Variants in OR1J2 observed in about 807,000 individuals in gnomAD.
OR1J2 encodes olfactory receptor family 1 subfamily J member 2.
For missense variants in OR1J2, 304 were observed against 246.1 expected (o/e 1.24, Z -1.57); for synonymous variants, 142 against 99.7 (o/e 1.42, Z -2.52).
the OR1J2 span, among the ~76,000 whole-genome samples, chr9:122,493,731 G>C: frequency 3.3e-5 from 5 of 152,028 alleles, no homozygotes; most frequent in East Asian, 9.7e-4. Flanking sequence ...CTTTTCTTCT[G>C]CTGGTTGTGG....
upstream of OR1J2, among the ~76,000 whole-genome samples, chr9:122,505,909 CTA>C (rs759643129): frequency 4.7e-4 from 72 of 151,748 alleles, no homozygotes; most frequent in Non-Finnish European, 1.0e-3. Context: ...TCCTTGAAAA[CTA>C]TTTTTATTTG....
At chr9:122,501,505 A>G in the OR1J2 span, among the ~76,000 whole-genome samples, 5 of 152,208 alleles carry the variant, frequency 3.3e-5, no homozygotes, top group Admixed American at 6.5e-5. Context: ...ACCTTCAGCC[A>G]ACAAGCACAT....
At chr9:122,505,805 T>G (rs1410850426), upstream of OR1J2, among the ~76,000 whole-genome samples, 1 of 152,106 alleles carries the variant, frequency 6.6e-6, no homozygotes, top group Non-Finnish European at 1.5e-5. Context: ...GCGTGTCAAC[T>G]TGTTTTTTTT....
chr9:122,541,381 T>G, the OR1J2 span, among the ~76,000 whole-genome samples: 2 of 152,126 alleles, frequency 1.3e-5, no homozygotes, highest in Admixed American at 6.6e-5. Flanking sequence ...GGAAATAAAC[T>G]AAGAAGAAAG....
At chr9:122,449,943 C>T in the OR1J2 span, among the ~76,000 whole-genome samples, 1 of 152,096 alleles carries the variant, frequency 6.6e-6, no homozygotes, top group Admixed American at 6.5e-5. Flanking sequence ...TCCCAGTTTA[C>T]CTCTGACTTT....
chr9:122,483,018 C>T, the OR1J2 span, among the ~76,000 whole-genome samples: 21 of 152,096 alleles, frequency 1.4e-4, no homozygotes, highest in African/African-American at 4.1e-4. Flanking sequence ...TGAATGTTTT[C>T]TTCACTAAGA....
the OR1J2 span, among the ~76,000 whole-genome samples, chr9:122,573,462 C>T: frequency 1.3e-5 from 2 of 152,090 alleles, no homozygotes; most frequent in East Asian, 1.9e-4. Flanking sequence ...AGTGGTATGT[C>T]ATTGTTGTTT....
chr9:122,527,725 A>G, the OR1J2 span, among the ~76,000 whole-genome samples: 2 of 152,218 alleles, frequency 1.3e-5, no homozygotes, highest in Non-Finnish European at 2.9e-5. Flanking sequence ...GGGCATATGA[A>G]GGACTCATGC....
chr9:122,525,411 C>T, the OR1J2 span, among the ~76,000 whole-genome samples: 3 of 152,218 alleles, frequency 2.0e-5, no homozygotes, highest in South Asian at 4.2e-4. Flanking sequence ...CCAGTGGACA[C>T]CTGGTGATAC....
upstream of OR1J2, among the ~76,000 whole-genome samples, chr9:122,508,815 A>G (rs1828577335): frequency 6.6e-6 from 1 of 152,218 alleles, no homozygotes; most frequent in Non-Finnish European, 1.5e-5. Flanking sequence ...AAAACCTCAC[A>G]AATGTTATTA....
At chr9:122,459,925 GAC>G in the OR1J2 span, among the ~76,000 whole-genome samples, 1 of 151,812 alleles carries the variant, frequency 6.6e-6, no homozygotes, top group Non-Finnish European at 1.5e-5. Flanking sequence ...GCCATTAAAA[GAC>G]GCTTTTAATG....
At chr9:122,571,773 A>T in the OR1J2 span, among the ~76,000 whole-genome samples, 1 of 151,336 alleles carries the variant, frequency 6.6e-6, no homozygotes, top group Non-Finnish European at 1.5e-5. Flanking sequence ...GTAGGGTTGT[A>T]GTGGTGCAGT....
At chr9:122,510,769 G>A, upstream of OR1J2, 1 of 1,189,264 alleles carries the variant, frequency 8.4e-7, no homozygotes, top group Non-Finnish European at 1.2e-6. Flanking sequence ...ATATTCTCAA[G>A]CATTCTTCAT....
At chr9:122,515,486 A>ACT (rs1268401348), downstream of OR1J2, among the ~76,000 whole-genome samples, 1 of 149,498 alleles carries the variant, frequency 6.7e-6, no homozygotes, top group Non-Finnish European at 1.5e-5. Context: ...CCGGCCAATG[A>ACT]CTCTCATGTC....
the OR1J2 span, among the ~76,000 whole-genome samples, chr9:122,539,566 A>G: frequency 1.3e-5 from 2 of 152,120 alleles, no homozygotes; most frequent in Non-Finnish European, 2.9e-5. Flanking sequence ...ATAGTGCCGC[A>G]ATAAACATAC....
At chr9:122,483,498 C>T in the OR1J2 span, among the ~76,000 whole-genome samples, 39 of 152,020 alleles carry the variant, frequency 2.6e-4, no homozygotes, top group African/African-American at 8.2e-4. Context: ...AAACTATGCT[C>T]GTGTAATATA....
chr9:122,487,853 T>C, the OR1J2 span, among the ~76,000 whole-genome samples: 2 of 152,216 alleles, frequency 1.3e-5, no homozygotes. Context: ...TATGGGAATA[T>C]AAATAAGAAC....
At position 122,510,819 on chromosome 9, in the gene OR1J2, G is replaced by T; in HGVS notation, c.18G>T (p.Gln6His). Residue 6 changes from glutamine to histidine, a missense_variant, in exon 1 of 1, where the codon CAG (glutamine) becomes CAT (histidine). Coordinates refer to ENST00000335302, the MANE Select transcript of OR1J2 (RefSeq NM_054107.1). MSPEN[Q>H]SSVSEFLLLG... ...AAAGGAGTATGAGCCCTGAGAACCA[G>T]AGCAGCGTGTCCGAGTTCCTCCTTC... 6.3e-7 allele frequency: 1 copy of T among 1,591,322 alleles called. No homozygotes were observed. Among genetic ancestry groups the T allele is most frequent in the Non-Finnish European group, 8.6e-7 (1 of 1,163,794 alleles).
the OR1J2 span, among the ~76,000 whole-genome samples, chr9:122,574,703 T>C: frequency 6.6e-6 from 1 of 152,126 alleles, no homozygotes; most frequent in African/African-American, 2.4e-5. Context: ...CTTATTGCAT[T>C]AGGTAGGATT....
Sources: gnomAD v4.1 joint callset for allele counts (sites outside exome capture counted in the v4.1 genomes callset) on GRCh38, gnomAD v4.1.1 for gene constraint, MANE v1.5 for transcripts, NCBI Gene and HGNC (gene_info 2026-07-23, HGNC 2026-07-21) for gene names.